Variants in APBB2 observed in about 807,000 individuals in gnomAD.
APBB2 encodes Fe65-like 1.
A neutral mutation model predicts 82.5 loss-of-function variants in APBB2; 38 were observed. That is an observed-to-expected ratio of 0.46 (90% CI 0.36 to 0.60). The LOEUF is 0.60. Ranked by LOEUF, APBB2 falls within the 20% of genes least tolerant of loss-of-function variation. The pLI is 0.00. For synonymous variants in APBB2, 341 were observed against 368.2 expected (o/e 0.93, Z 0.85); for missense variants, 772 against 972.3 (o/e 0.79, Z 2.74).
chr4:41,051,734 C>T (rs915073977), intron 4 of APBB2, among the ~76,000 whole-genome samples: 3 of 152,176 alleles, frequency 2.0e-5, no homozygotes, highest in East Asian at 1.9e-4. Flanking sequence ...TGTACTCTCC[C>T]GCAGAGCTGC....
intron 6 of APBB2, among the ~76,000 whole-genome samples, chr4:41,011,379 C>T (rs1304838514): frequency 1.3e-5 from 2 of 151,122 alleles, no homozygotes; most frequent in African/African-American, 2.4e-5. Flanking sequence ...CAGGGTTTCA[C>T]GATATTGGTC....
chr4:41,128,839 G>A (rs1034225188), intron 2 of APBB2, among the ~76,000 whole-genome samples: 2 of 152,086 alleles, frequency 1.3e-5, no homozygotes, highest in African/African-American at 4.8e-5. Flanking sequence ...CAAAACTAAC[G>A]GGCTATTATA....
At chr4:41,017,682 G>A (rs537195163) in intron 5 of APBB2, among the ~76,000 whole-genome samples, 2 of 152,236 alleles carry the variant, frequency 1.3e-5, no homozygotes, top group South Asian at 2.1e-4. Context: ...TACTTTGTAC[G>A]CAAGTAATAT....
At chr4:40,845,275 G>C (rs1403995344) in intron 12 of APBB2, among the ~76,000 whole-genome samples, 2 of 152,098 alleles carry the variant, frequency 1.3e-5, no homozygotes, top group Non-Finnish European at 2.9e-5. Context: ...AAATTTGCTG[G>C]GAAGAAAACA....
At chr4:40,825,577 G>A (rs1251722357) in intron 15 of APBB2, among the ~76,000 whole-genome samples, 1 of 152,230 alleles carries the variant, frequency 6.6e-6, no homozygotes, top group East Asian at 1.9e-4. Flanking sequence ...TGGAGGCCTC[G>A]TTTCAGAGCA....
At chr4:41,044,576 G>C (rs1461200975) in intron 4 of APBB2, among the ~76,000 whole-genome samples, 1 of 152,174 alleles carries the variant, frequency 6.6e-6, no homozygotes, top group African/African-American at 2.4e-5. Flanking sequence ...ATGTTCATAA[G>C]TTTGTGTTCT....
chr4:41,121,510 G>A (rs1221492465), intron 2 of APBB2, among the ~76,000 whole-genome samples: 2 of 152,208 alleles, frequency 1.3e-5, no homozygotes, highest in Non-Finnish European at 2.9e-5. Context: ...GCTGGTGGTG[G>A]GAGTGAGGGA....
intron 2 of APBB2, among the ~76,000 whole-genome samples, chr4:41,115,704 A>G (rs1750746490): frequency 6.6e-6 from 1 of 152,276 alleles, no homozygotes. Context: ...GCCAACAAAC[A>G]TATGAAAAAA....
chr4:41,104,879 A>G (rs1318501730), intron 2 of APBB2, among the ~76,000 whole-genome samples: 1 of 152,108 alleles, frequency 6.6e-6, no homozygotes, highest in African/African-American at 2.4e-5. Flanking sequence ...TATGTACCAC[A>G]TTTTCTTTCT....
At chr4:40,941,353 T>G (rs1292839659) in intron 7 of APBB2, among the ~76,000 whole-genome samples, 1 of 152,174 alleles carries the variant, frequency 6.6e-6, no homozygotes, top group East Asian at 1.9e-4. Context: ...GACAATGATA[T>G]TAAGAAAGGT....
At chr4:40,967,010 C>G (rs563284052) in intron 6 of APBB2, among the ~76,000 whole-genome samples, 3 of 152,132 alleles carry the variant, frequency 2.0e-5, no homozygotes, top group Non-Finnish European at 4.4e-5. Flanking sequence ...CACTCATGGA[C>G]CAGTCAGCAT....
intron 3 of APBB2, among the ~76,000 whole-genome samples, chr4:41,078,423 T>C (rs1736397845): frequency 6.6e-6 from 1 of 152,200 alleles, no homozygotes; most frequent in Admixed American, 6.5e-5. Context: ...ATGAAACATA[T>C]AAACCACCCA....
chr4:40,907,364 TATATATATA>T (rs1777163836), intron 10 of APBB2, among the ~76,000 whole-genome samples: 3 of 87,012 alleles, frequency 3.4e-5, no homozygotes, highest in African/African-American at 2.1e-4. Flanking sequence ...TATATATATA[TATATATATA>T]TATATATTTT....
At chr4:40,819,539 T>C (rs1413211982) in intron 17 of APBB2, among the ~76,000 whole-genome samples, 1 of 151,982 alleles carries the variant, frequency 6.6e-6, no homozygotes, top group East Asian at 1.9e-4. Flanking sequence ...TAGCTGGGCA[T>C]GGTGGTGCTC....
chr4:40,945,931 C>T (rs146531294), intron 6 of APBB2, among the ~76,000 whole-genome samples: 66 of 152,274 alleles, frequency 4.3e-4, no homozygotes, highest in African/African-American at 1.3e-3. Flanking sequence ...TCTAATTGCA[C>T]GCAAAAGATT....
At chr4:40,857,085 CCCCAGGGTGCCGGCACCA>C in intron 12 of APBB2, 1 of 985,544 alleles carries the variant, frequency 1.0e-6, no homozygotes, top group Non-Finnish European at 1.2e-6. Flanking sequence ...CTACGACAAG[CCCCAGGGTGCCGGCACCA>C]GCCAGCGGTG....
intron 1 of APBB2, among the ~76,000 whole-genome samples, chr4:41,154,477 C>G (rs555558874): frequency 8.5e-5 from 13 of 152,298 alleles, no homozygotes; most frequent in Admixed American, 2.0e-4. Flanking sequence ...AGTAAAGAAA[C>G]TACCAATCAT....
At chr4:40,945,265 C>T (rs2154380733) in intron 6 of APBB2, among the ~76,000 whole-genome samples, 192 bp from the exon 7 acceptor site, 1 of 152,176 alleles carries the variant, frequency 6.6e-6, no homozygotes, top group African/African-American at 2.4e-5. Flanking sequence ...AATATGGAAA[C>T]AAGTATAAGA....
At chr4:41,093,227 C>T (rs1742388105) in intron 3 of APBB2, among the ~76,000 whole-genome samples, 1 of 152,166 alleles carries the variant, frequency 6.6e-6, no homozygotes, top group Non-Finnish European at 1.5e-5. Flanking sequence ...CTCAGGCACA[C>T]AGAGCATGAA....
Sources: gnomAD v4.1 joint callset for allele counts (sites outside exome capture counted in the v4.1 genomes callset) on GRCh38, gnomAD v4.1.1 for gene constraint, MANE v1.5 for transcripts, NCBI Gene and HGNC (gene_info 2026-07-23, HGNC 2026-07-21) for gene names.